Variants in ZNF385B observed in about 807,000 individuals in gnomAD.
ZNF385B encodes zinc finger protein 385B.
Under a neutral mutation model 39.2 loss-of-function variants are expected in ZNF385B, and 23 were observed. That is an observed-to-expected ratio of 0.59 (90% CI 0.42 to 0.83). The LOEUF is 0.83. ZNF385B is among the 40% of genes least tolerant of loss of function. ZNF385B has a pLI of 0.00. For synonymous variants in ZNF385B, 205 were observed against 222.6 expected, an observed-to-expected ratio of 0.92 and a Z score of 0.70; for missense variants, 552 against 598.9, an observed-to-expected ratio of 0.92 and a Z score of 0.82.
intron 3 of ZNF385B, among the ~76,000 whole-genome samples, chr2:179,757,807 G>A (rs1235758311): frequency 2.0e-5 from 3 of 152,126 alleles, no homozygotes; most frequent in African/African-American, 7.2e-5. Flanking sequence ...TAAGACTGTT[G>A]GAAAAGCACA....
chr2:179,858,571 AAAAG>A (rs1389152442), intron 1 of ZNF385B, among the ~76,000 whole-genome samples: 5 of 152,168 alleles, frequency 3.3e-5, no homozygotes, highest in African/African-American at 9.6e-5. Context: ...TTTTTTTAAA[AAAAG>A]AAAGAAAGAA....
chr2:179,757,059 C>CT (rs1444571232), intron 3 of ZNF385B, among the ~76,000 whole-genome samples: 3 of 152,162 alleles, frequency 2.0e-5, no homozygotes, highest in Non-Finnish European at 4.4e-5. Flanking sequence ...GAATTTTCAG[C>CT]TTTTCTGCTC....
intron 1 of ZNF385B, among the ~76,000 whole-genome samples, chr2:179,778,400 C>T (rs1181767707): frequency 2.0e-5 from 3 of 152,234 alleles, no homozygotes; most frequent in Non-Finnish European, 4.4e-5. Flanking sequence ...CCAGGAAGCA[C>T]TCCAGCAAGT....
At chr2:179,638,701 C>T (rs1253385295) in intron 3 of ZNF385B, among the ~76,000 whole-genome samples, 2 of 152,072 alleles carry the variant, frequency 1.3e-5, no homozygotes, top group Non-Finnish European at 2.9e-5. Flanking sequence ...AACCGACTAT[C>T]TAGATTTGGG....
At chr2:179,537,741 A>T (rs553175648) in intron 4 of ZNF385B, among the ~76,000 whole-genome samples, 1 of 139,116 alleles carries the variant, frequency 7.2e-6, no homozygotes, top group Non-Finnish European at 1.6e-5. Flanking sequence ...ACTCTGTCTC[A>T]AAAACAAACA....
chr2:179,834,008 T>C (rs1397321055), intron 1 of ZNF385B, among the ~76,000 whole-genome samples: 1 of 152,086 alleles, frequency 6.6e-6, no homozygotes, highest in Non-Finnish European at 1.5e-5. Flanking sequence ...AAGTAAATAT[T>C]AATACATTCA....
intron 3 of ZNF385B, among the ~76,000 whole-genome samples, chr2:179,575,540 C>T (rs1685706877): frequency 6.6e-6 from 1 of 152,156 alleles, no homozygotes; most frequent in Non-Finnish European, 1.5e-5. Context: ...GCAAGCATTG[C>T]TCCTTTCCTT....
intron 1 of ZNF385B, among the ~76,000 whole-genome samples, chr2:179,853,214 T>C (rs942402769): frequency 6.6e-6 from 1 of 152,166 alleles, no homozygotes; most frequent in Non-Finnish European, 1.5e-5. Flanking sequence ...ATTAATACAA[T>C]TCTAGTGCCT....
At chr2:179,651,797 A>G (rs1474593058) in intron 3 of ZNF385B, among the ~76,000 whole-genome samples, 2 of 152,162 alleles carry the variant, frequency 1.3e-5, no homozygotes, top group African/African-American at 4.8e-5. Flanking sequence ...GCTGGTGTTA[A>G]CAAAGTCAGA....
At chr2:179,727,473 T>A (rs1175784707) in intron 3 of ZNF385B, among the ~76,000 whole-genome samples, 1 of 152,088 alleles carries the variant, frequency 6.6e-6, no homozygotes, top group Non-Finnish European at 1.5e-5. Flanking sequence ...AATGTGTGAT[T>A]GCTACAGCTA....
intron 1 of ZNF385B, among the ~76,000 whole-genome samples, chr2:179,843,136 C>G (rs1490305075): frequency 6.6e-6 from 1 of 152,206 alleles, no homozygotes; most frequent in African/African-American, 2.4e-5. Flanking sequence ...AAGGTCTCTG[C>G]TCCTCCTACC....
intron 1 of ZNF385B, among the ~76,000 whole-genome samples, chr2:179,826,379 G>T (rs185945925): frequency 1.9e-4 from 29 of 152,230 alleles, no homozygotes; most frequent in African/African-American, 6.7e-4. Flanking sequence ...CAGGGATAGA[G>T]GTAGAAGGCT....
At chr2:179,679,581 A>C (rs1401891333) in intron 3 of ZNF385B, among the ~76,000 whole-genome samples, 1 of 149,548 alleles carries the variant, frequency 6.7e-6, no homozygotes, top group African/African-American at 2.5e-5. Flanking sequence ...CTTCCATTTT[A>C]TTTCTTATTA....
chr2:179,778,724 TTTTA>T (rs1357628808), intron 1 of ZNF385B, among the ~76,000 whole-genome samples: 5 of 152,166 alleles, frequency 3.3e-5, no homozygotes, highest in Non-Finnish European at 7.3e-5. Context: ...ATTATTGCAT[TTTTA>T]TTTATTATAA....
At chr2:179,653,875 CT>C (rs146713635) in intron 3 of ZNF385B, among the ~76,000 whole-genome samples, 6,075 of 152,282 alleles carry the variant, frequency 0.04, 165 homozygotes, top group Middle Eastern at 0.058. Context: ...CCACTTTAAT[CT>C]TTCTAAAGGA....
intron 3 of ZNF385B, among the ~76,000 whole-genome samples, chr2:179,616,850 C>T (rs369384344): frequency 1.2e-4 from 19 of 152,146 alleles, no homozygotes; most frequent in Non-Finnish European, 2.4e-4. Context: ...CGTGAGCCAC[C>T]GCACCTGGCC....
intron 3 of ZNF385B, among the ~76,000 whole-genome samples, chr2:179,752,655 T>C (rs1489472408): frequency 2.6e-5 from 4 of 152,160 alleles, no homozygotes; most frequent in African/African-American, 4.8e-5. Flanking sequence ...TATCTCATTG[T>C]GGTTTTGATT....
At chr2:179,487,243 T>C (rs955071032) in intron 5 of ZNF385B, among the ~76,000 whole-genome samples, 2 of 152,252 alleles carry the variant, frequency 1.3e-5, no homozygotes, top group Non-Finnish European at 2.9e-5. Flanking sequence ...ATGATCCACT[T>C]CTGCTTCGAG....
At position 179,669,458 on chromosome 2, in the gene ZNF385B, T is replaced by C. The variant is rs533971852; in HGVS notation, c.298+100045A>G. Among the ~76,000 whole-genome samples, 6 of 152,322 alleles carry C rather than the reference T, an allele frequency of 3.9e-5. No individual in the cohort carries two copies. The South Asian group carries it at 1.2e-3, about 32-fold the overall frequency. ...ATCAGCATATTTAAAATTCCCAGCA[T>C]ATTTTTTAAGTCTCCAGATGATTCT... is the stretch of plus-strand genomic sequence containing the variant. On this transcript the variant is annotated intron_variant, in intron 3 of 9. Transcript: ENST00000410066.
Sources: allele counts gnomAD v4.1 joint callset (sites outside exome capture counted in the v4.1 genomes callset), GRCh38; gene constraint gnomAD v4.1.1; transcripts MANE v1.5; gene names NCBI Gene and HGNC (gene_info 2026-07-23, HGNC 2026-07-21).